The following CDK15 variants were observed in gnomAD, a reference collection of about 807,000 sequenced individuals.
The protein encoded by CDK15 is cyclin dependent kinase 15.
CDK15 carries 62 observed loss-of-function variants against 60.3 expected under a neutral mutation model. The ratio of observed to expected loss-of-function variants is 1.03; its 90% CI spans 0.84 to 1.27. CDK15 has a LOEUF of 1.27. Among genes scored for constraint, CDK15 ranks in the 50% most tolerant of loss-of-function variants. The pLI is 0.00. For missense variants in CDK15, 541 were observed against 527.8 expected, an observed-to-expected ratio of 1.03 and a Z score of -0.25; for synonymous variants, 194 against 195.7, an observed-to-expected ratio of 0.99 and a Z score of 0.07.
At chr2:201,823,792 C>A (rs1696340164) in intron 6 of CDK15, 65 bp downstream of exon 6, 1 of 1,393,170 alleles carries the variant, frequency 7.2e-7, no homozygotes, top group Non-Finnish European at 1.0e-6. Context: ...CTGAAACAGA[C>A]TGTCTCACAA....
rs745892741 is a variant in CDK15 at position 201,882,593 on chromosome 2, G to A, written c.1198+2426G>A. On this transcript the variant is annotated intron_variant, in intron 12 of 13. Coordinates refer to ENST00000652192, the MANE Select transcript of CDK15 (RefSeq NM_001366386.2). This position sits in a 1 kb window ranked among gnomAD's most constrained non-coding sequence, Gnocchi z 4.0. ...AATCCCCGAGGGAGAAGATGAAAGC[G>A]CCGGTGCCAAGAGACAGGGAAAGGC... Among the ~76,000 whole-genome samples the A allele has an allele frequency of 3.3e-5, 5 of 152,092 alleles. No individual in the cohort carries two copies. Among genetic ancestry groups the A allele is most frequent in the Admixed American group, 1.3e-4 (2 of 15,270 alleles).
rs1699711019 is a variant in CDK15 at position 201,894,073 on chromosome 2, C to CACACACACA, written c.*806_*807insACACACACA. The CACACACACA allele has an allele frequency of 6.9e-6, 1 of 144,314 alleles. No individual in the cohort carries two copies. The highest frequency in any genetic ancestry group is 2.6e-5 in the African/African-American group (1 of 38,032). 8.9% of individuals were successfully genotyped at this position (144,314 alleles called of 1,614,324 possible). ...ATGTAATTTAAGCCCTGTTGCACCA[C>CACACACACA]CACACACACACACACACACACACAC... On this transcript the variant is annotated 3_prime_UTR_variant, in exon 14 of 14. Coordinates refer to ENST00000652192, the MANE Select transcript of CDK15 (RefSeq NM_001366386.2).
intron 2 of CDK15, 46 bp downstream of exon 2, chr2:201,807,689 T>A: frequency 6.2e-7 from 1 of 1,609,264 alleles, no homozygotes; most frequent in Middle Eastern, 1.7e-4. Flanking sequence ...AATGTGAGCT[T>A]GTCTACGGAG....
At chr2:201,889,888 A>G (rs1699583995) in intron 12 of CDK15, among the ~76,000 whole-genome samples, 1 of 151,692 alleles carries the variant, frequency 6.6e-6, no homozygotes, top group Non-Finnish European at 1.5e-5. Context: ...TGTCTCCATT[A>G]AAAATACAAA....
At chr2:201,822,307 T>C (rs1419882461) in intron 4 of CDK15, among the ~76,000 whole-genome samples, 2 of 152,238 alleles carry the variant, frequency 1.3e-5, no homozygotes, top group African/African-American at 4.8e-5. Context: ...AACAGTTCTT[T>C]ACCCCATGCT....
intron 10 of CDK15, among the ~76,000 whole-genome samples, chr2:201,868,840 C>T (rs1386060904): frequency 6.6e-6 from 1 of 152,160 alleles, no homozygotes; most frequent in Non-Finnish European, 1.5e-5. Flanking sequence ...TACCATCTCC[C>T]ACCAGTTAGA....
chr2:201,832,914 T>C (rs1696820329), intron 6 of CDK15, among the ~76,000 whole-genome samples: 1 of 152,268 alleles, frequency 6.6e-6, no homozygotes, highest in South Asian at 2.1e-4. Context: ...GAACACGTTC[T>C]CAGTTGACAT....
At chr2:201,813,776 A>G (rs1695874457) in intron 4 of CDK15, among the ~76,000 whole-genome samples, 1 of 152,204 alleles carries the variant, frequency 6.6e-6, no homozygotes, top group South Asian at 2.1e-4. Context: ...TGAATTTGAT[A>G]CCCTTTTCAA....
intron 8 of CDK15, among the ~76,000 whole-genome samples, chr2:201,838,099 G>A (rs571668643): frequency 1.1e-4 from 16 of 152,106 alleles, no homozygotes; most frequent in South Asian, 4.2e-4. Context: ...ACTTCTACCC[G>A]TCAATTTTAA....
chr2:201,841,168 A>G (rs1697360409), intron 8 of CDK15, among the ~76,000 whole-genome samples: 1 of 152,218 alleles, frequency 6.6e-6, no homozygotes, highest in Non-Finnish European at 1.5e-5. Context: ...TTTTGCCATT[A>G]AAAGTAATGG....
At chr2:201,857,488 A>T (rs530823169) in intron 10 of CDK15, among the ~76,000 whole-genome samples, 3 of 151,994 alleles carry the variant, frequency 2.0e-5, no homozygotes, top group Non-Finnish European at 2.9e-5. Context: ...ACAGATGGAG[A>T]GGGTGCATTC....
chr2:201,811,677 A>G (rs999467559), intron 3 of CDK15, among the ~76,000 whole-genome samples: 1 of 152,198 alleles, frequency 6.6e-6, no homozygotes, highest in Non-Finnish European at 1.5e-5. Context: ...AGAGAGAATA[A>G]TGGTGTGGCC....
At chr2:201,815,321 T>C (rs911526451) in intron 4 of CDK15, among the ~76,000 whole-genome samples, 1 of 152,196 alleles carries the variant, frequency 6.6e-6, no homozygotes, top group Non-Finnish European at 1.5e-5. Flanking sequence ...ATGGTGGTGA[T>C]TCAAACCAAA....
intron 9 of CDK15, chr2:201,854,673 T>C (rs1698065851): frequency 1.7e-6 from 1 of 576,338 alleles, no homozygotes; most frequent in Admixed American, 2.9e-5. Context: ...CATAGGAATG[T>C]ATTACAGTTT....
intron 12 of CDK15, 22 bp from the exon 13 acceptor site, chr2:201,890,763 T>C (rs778662369): frequency 6.5e-7 from 1 of 1,549,892 alleles, no homozygotes; most frequent in Non-Finnish European, 8.9e-7. Context: ...ATATTGGTGC[T>C]TCTCTCTTTT....
intron 12 of CDK15, among the ~76,000 whole-genome samples, chr2:201,887,229 T>C (rs1699482944): frequency 6.6e-6 from 1 of 152,230 alleles, no homozygotes; most frequent in Non-Finnish European, 1.5e-5. Flanking sequence ...AAAGTTCTTA[T>C]GCTGTAACAT....
chr2:201,877,494 T>A (rs562812750), intron 11 of CDK15, among the ~76,000 whole-genome samples: 2 of 152,330 alleles, frequency 1.3e-5, no homozygotes, highest in South Asian at 4.1e-4. Context: ...GGCCAAATTT[T>A]GGCACAAACT....
intron 4 of CDK15, among the ~76,000 whole-genome samples, chr2:201,817,154 G>C (rs1696031607): frequency 6.6e-6 from 1 of 152,144 alleles, no homozygotes. Flanking sequence ...CCCAGGCTAA[G>C]CCCCAGTTTT....
intron 7 of CDK15, 80 bp from the exon 8 acceptor site, chr2:201,835,563 G>T (rs1003969738): frequency 1.5e-6 from 2 of 1,355,630 alleles, no homozygotes; most frequent in Non-Finnish European, 2.0e-6. Flanking sequence ...TTTTTCTAAT[G>T]GTGTTTACCC....
Sources: allele counts gnomAD v4.1 joint callset (sites outside exome capture counted in the v4.1 genomes callset), GRCh38; gene constraint gnomAD v4.1.1; non-coding constraint Gnocchi (gnomAD v3.1); transcripts MANE v1.5; gene names NCBI Gene and HGNC (gene_info 2026-07-23, HGNC 2026-07-21).